EPB41L3: variants seen among roughly 807,000 people sequenced by gnomAD.
EPB41L3 encodes the protein erythrocyte membrane protein band 4.1 like 3, also known as band 4.1-like protein 3.
EPB41L3 carries 57 observed loss-of-function variants against 127.1 expected under a neutral mutation model. The observed-to-expected ratio is 0.45, with a 90% CI of 0.36 to 0.56. EPB41L3 has a LOEUF of 0.56. Among genes scored for constraint, EPB41L3 ranks in the 20% least tolerant of loss-of-function variants. The pLI, the probability that EPB41L3 is intolerant of heterozygous loss-of-function variation, is 0.00. For missense variants in EPB41L3, 1,273 were observed against 1,372.2 expected (o/e 0.93, Z 1.14); for synonymous variants, 572 against 549.5 (o/e 1.04, Z -0.57).
chr18:5,506,577 C>T (rs759404329), intron 1 of EPB41L3, among the ~76,000 whole-genome samples: 7 of 152,164 alleles, frequency 4.6e-5, no homozygotes, highest in South Asian at 2.1e-4. Flanking sequence ...TAGTCCAATA[C>T]GCTACCTACT....
intron 3 of EPB41L3, chr18:5,571,020 A>G (rs1289307463): frequency 6.6e-6 from 1 of 152,202 alleles, no homozygotes; most frequent in Non-Finnish European, 1.5e-5. Flanking sequence ...TAAGTCCACT[A>G]CACATGGAGA....
chr18:5,540,319 T>C (rs2093684644), intron 1 of EPB41L3: 7 of 982,556 alleles, frequency 7.1e-6, no homozygotes, highest in Non-Finnish European at 7.3e-6. Flanking sequence ...CATTTACACC[T>C]TTCAATTCTC....
At chr18:5,445,284 A>C in intron 3 of EPB41L3, 40 bp from the exon 4 acceptor site, 1 of 1,486,610 alleles carries the variant, frequency 6.7e-7, no homozygotes, top group Non-Finnish European at 9.4e-7. Context: ...AATACAACAC[A>C]AAGAAAGTTC....
At chr18:5,509,094 G>A (rs2092385837) in intron 1 of EPB41L3, among the ~76,000 whole-genome samples, 1 of 152,184 alleles carries the variant, frequency 6.6e-6, no homozygotes, top group Non-Finnish European at 1.5e-5. Flanking sequence ...GCATAATGCT[G>A]AGAAATTGTT....
intron 2 of EPB41L3, chr18:5,479,486 A>G (rs1278410197): frequency 6.6e-6 from 1 of 152,204 alleles, no homozygotes; most frequent in Non-Finnish European, 1.5e-5. Flanking sequence ...TTTTTATAAC[A>G]CTAATATAAT....
chr18:5,465,763 T>C (rs1037605602), intron 3 of EPB41L3, among the ~76,000 whole-genome samples: 5 of 152,162 alleles, frequency 3.3e-5, no homozygotes, highest in Admixed American at 6.5e-5. Context: ...CCTCCTAAAA[T>C]TTAATATTCT....
In EPB41L3 at chr18:5,416,395, A is replaced by G; in HGVS notation, c.1507-17T>C. ...CCCAGGTGACTGATGTGAAAGAGAC[A>G]GAAAGAGACAGAAAGCAGCAAACAG... On this transcript the variant is annotated splice_polypyrimidine_tract_variant and intron_variant, in intron 12 of 22. Coordinates refer to ENST00000341928, the MANE Select transcript of EPB41L3 (RefSeq NM_012307.5). The G allele has an allele frequency of 6.3e-7, 1 of 1,588,118 alleles. No homozygotes were observed. The highest frequency in any genetic ancestry group is 8.6e-7 in the Non-Finnish European group (1 of 1,165,592).
chr18:5,552,849 C>CCAGG (rs1387480437), intron 3 of EPB41L3, among the ~76,000 whole-genome samples: 2 of 152,154 alleles, frequency 1.3e-5, no homozygotes, highest in African/African-American at 4.8e-5. Context: ...ACTATCAGAG[C>CCAGG]CAGGACACAA....
At chr18:5,507,542 C>G (rs570034102) in intron 1 of EPB41L3, among the ~76,000 whole-genome samples, 3 of 152,164 alleles carry the variant, frequency 2.0e-5, no homozygotes, top group East Asian at 3.9e-4. Flanking sequence ...GAGTAAGTTA[C>G]GTAAACTCTC....
rs180739145 is a variant in EPB41L3 at position 5,582,798 on chromosome 18, T to C, written c.-306+29542A>G. Among the ~76,000 whole-genome samples, 3 of 152,312 alleles carry C rather than the reference T, an allele frequency of 2.0e-5. No individual in the cohort carries two copies. The East Asian group carries it at 5.8e-4, about 29-fold the overall frequency. On this transcript the variant is annotated intron_variant, in intron 3 of 21. Coordinates refer to the EPB41L3 transcript ENST00000545076. ...TCACTGTAAATATTTTAACCTCTCA[T>C]AAAAATTTAAATATCCCATGGAATG...
At chr18:5,489,307 C>G in intron 1 of EPB41L3, 113 bp from the exon 2 acceptor site, 1 of 1,235,390 alleles carries the variant, frequency 8.1e-7, no homozygotes, top group East Asian at 2.7e-5. Context: ...GAGGGAGATG[C>G]TACCAAACCC....
intron 1 of EPB41L3, among the ~76,000 whole-genome samples, chr18:5,617,485 A>G (rs917367779): frequency 6.6e-6 from 1 of 151,958 alleles, no homozygotes; most frequent in South Asian, 2.1e-4. Context: ...CACCCGGCTA[A>G]TTTTTTGTAT....
At chr18:5,489,492 G>C (rs2090333095) in intron 1 of EPB41L3, 1 of 325,618 alleles carries the variant, frequency 3.1e-6, no homozygotes, top group East Asian at 6.0e-5. Flanking sequence ...TTAAAGAAAT[G>C]TCATAATAAT....
chr18:5,574,382 T>TG (rs2094315844), intron 3 of EPB41L3, among the ~76,000 whole-genome samples: 1 of 61,932 alleles, frequency 1.6e-5, no homozygotes, highest in East Asian at 3.7e-4. Context: ...TAGAATCAGT[T>TG]TTTTTTTTTT....
chr18:5,604,292 C>A (rs1238538030), intron 3 of EPB41L3, among the ~76,000 whole-genome samples: 1 of 151,922 alleles, frequency 6.6e-6, no homozygotes, highest in East Asian at 1.9e-4. Flanking sequence ...AACAGTGGTG[C>A]TGTCCCCTTT....
intron 8 of EPB41L3, chr18:5,429,405 G>A (rs2078671106): frequency 6.6e-6 from 1 of 152,116 alleles, no homozygotes; most frequent in African/African-American, 2.4e-5. Flanking sequence ...AGGGTAAAAC[G>A]AACATTTGTG....
chr18:5,629,259 G>T (rs1316476762), upstream of EPB41L3, among the ~76,000 whole-genome samples: 1 of 152,238 alleles, frequency 6.6e-6, no homozygotes, highest in East Asian at 2.0e-4. Flanking sequence ...CCGGGAGCTG[G>T]AGCTGGAGGA....
At chr18:5,608,641 G>C (rs1382986922) in intron 3 of EPB41L3, among the ~76,000 whole-genome samples, 3 of 152,142 alleles carry the variant, frequency 2.0e-5, no homozygotes, top group African/African-American at 7.2e-5. Flanking sequence ...TCAATTTAAA[G>C]GGGGTAGGCT....
intron 3 of EPB41L3, among the ~76,000 whole-genome samples, chr18:5,471,262 G>A (rs894731444): frequency 5.3e-5 from 8 of 152,186 alleles, no homozygotes; most frequent in Non-Finnish European, 7.3e-5. Flanking sequence ...GGGCAGCACC[G>A]CCATCTGAAC....
Sources: gnomAD v4.1 joint callset for allele counts (sites outside exome capture counted in the v4.1 genomes callset) on GRCh38, gnomAD v4.1.1 for gene constraint, MANE v1.5 for transcripts, NCBI Gene and HGNC (gene_info 2026-07-23, HGNC 2026-07-21) for gene names.